LRIG1: variants seen among roughly 807,000 people sequenced by gnomAD.
LRIG1 encodes the protein leucine rich repeats and immunoglobulin like domains 1, also known as leucine-rich repeats and immunoglobulin-like domains protein 1.
LRIG1 carries 48 observed loss-of-function variants against 99.2 expected under a neutral mutation model. The observed-to-expected ratio is 0.48, with a 90% CI of 0.38 to 0.62. LRIG1 has a LOEUF of 0.62. LRIG1 is among the 20% of genes least tolerant of loss of function. The probability of loss-of-function intolerance (pLI) is 0.00; values close to 1 mark genes in which losing one functional copy is unlikely to be tolerated. For missense variants in LRIG1, 1,646 were observed against 1,434.4 expected (o/e 1.15, Z -2.38); for synonymous variants, 772 against 596.1 (o/e 1.29, Z -4.30).
chr3:66,454,551 T>C (rs1299954878), intron 2 of LRIG1, among the ~76,000 whole-genome samples: 1 of 152,198 alleles, frequency 6.6e-6, no homozygotes, highest in Non-Finnish European at 1.5e-5. Flanking sequence ...CACAATTTAC[T>C]TCCATCCAAG....
rs116809906 is a variant in LRIG1 at position 66,383,311 on chromosome 3, G to C, written c.2162C>G (p.Pro721Arg). 1.2e-6 allele frequency: 2 copies of C among 1,606,612 alleles called. No homozygotes were observed. The highest frequency in any genetic ancestry group is 1.3e-5 in the African/African-American group (1 of 74,808). The change falls in exon 15 of 19, where the codon CCG (proline) becomes CGG (arginine). Residue 721 changes from proline to arginine, a missense_variant. Physicochemically the swap from Pro to Arg is moderately radical, Grantham distance 103. Transcript: ENST00000273261. ...CCCCTTGAACCAGGTGATGCGGGGC[G>C]GAGGGTTCCCCGTGGCTTTGCATTG... Reference protein sequence around the residue: ...ALQCKATGNPPPRITWFKGDR... With the variant: ...ALQCKATGNPRPRITWFKGDR...
At chr3:66,451,884 C>T (rs984476833) in intron 2 of LRIG1, among the ~76,000 whole-genome samples, 13 of 152,212 alleles carry the variant, frequency 8.5e-5, no homozygotes, top group Admixed American at 3.3e-4. Flanking sequence ...TGTCTCCCAT[C>T]AGCTTCCCAT....
At chr3:66,433,246 G>C (rs1215363554) in intron 3 of LRIG1, among the ~76,000 whole-genome samples, 5 of 152,240 alleles carry the variant, frequency 3.3e-5, no homozygotes, top group Non-Finnish European at 7.3e-5. Context: ...AAGTCACCCA[G>C]CTAACCAAGA....
intron 1 of LRIG1, among the ~76,000 whole-genome samples, chr3:66,488,302 C>A (rs754768338): frequency 1.3e-5 from 2 of 151,776 alleles, no homozygotes; most frequent in African/African-American, 4.8e-5. Flanking sequence ...ATGAATTTGG[C>A]CAAAAACAGA....
At chr3:66,470,065 G>A (rs1338475856) in intron 1 of LRIG1, among the ~76,000 whole-genome samples, 3 of 152,188 alleles carry the variant, frequency 2.0e-5, no homozygotes, top group African/African-American at 7.2e-5. Flanking sequence ...ACTGAACAGT[G>A]TTGGTAGAAA....
intron 1 of LRIG1, among the ~76,000 whole-genome samples, chr3:66,482,766 G>A (rs1449731986): frequency 2.0e-5 from 3 of 152,164 alleles, no homozygotes; most frequent in Non-Finnish European, 2.9e-5. Flanking sequence ...TGTAAGTTGT[G>A]TAATAATTTA....
chr3:66,416,112 T>C (rs1190190273), intron 4 of LRIG1, among the ~76,000 whole-genome samples: 1 of 152,174 alleles, frequency 6.6e-6, no homozygotes, highest in Non-Finnish European at 1.5e-5. Flanking sequence ...AGAAAGTCCC[T>C]CCCACTTTTG....
chr3:66,446,578 G>A (rs1297586878), intron 3 of LRIG1, among the ~76,000 whole-genome samples: 1 of 151,730 alleles, frequency 6.6e-6, no homozygotes, highest in Admixed American at 6.6e-5. Flanking sequence ...GCTGATTTTT[G>A]TATTTTTAGT....
chr3:66,448,593 G>A lies in LRIG1; in HGVS notation c.365+2966C>T, dbSNP rs554406601. 3.3e-5 allele frequency among the ~76,000 whole-genome samples: 5 copies of A among 152,226 alleles called. No individual in the cohort carries two copies. The East Asian group carries it at 5.8e-4, about 18-fold the overall frequency. On this transcript the variant is annotated intron_variant, in intron 3 of 18. Transcript: ENST00000273261. Reference sequence around the variant, plus strand: ...TTCCTCATCTGAGAAAAAAAGTAACGTATGTATCCCAGGTCACAACTACAT... The same window carrying A: ...TTCCTCATCTGAGAAAAAAAGTAACATATGTATCCCAGGTCACAACTACAT...
At chr3:66,407,594 G>C in intron 7 of LRIG1, 103 bp from the exon 8 acceptor site, 1 of 1,350,426 alleles carries the variant, frequency 7.4e-7, no homozygotes, top group Non-Finnish European at 1.0e-6. Context: ...AGTGGGAAAT[G>C]ACACAGATGC....
At chr3:66,427,207 A>G (rs1423052876) in intron 3 of LRIG1, among the ~76,000 whole-genome samples, 1 of 152,240 alleles carries the variant, frequency 6.6e-6, no homozygotes, top group African/African-American at 2.4e-5. Context: ...AAGGCTCTGC[A>G]TCACACACTC....
chr3:66,417,345 C>A (rs966335535), intron 3 of LRIG1, 79 bp from the exon 4 acceptor site: 69 of 1,404,978 alleles, frequency 4.9e-5, no homozygotes, highest in Non-Finnish European at 6.6e-5. Context: ...CTGCACCCCA[C>A]CCCCCACCAA....
chr3:66,421,253 C>A (rs934662824), intron 3 of LRIG1, among the ~76,000 whole-genome samples: 1 of 152,192 alleles, frequency 6.6e-6, no homozygotes, highest in African/African-American at 2.4e-5. Flanking sequence ...TCCCAACAGT[C>A]CCCCAAAGTC....
In LRIG1 at chr3:66,380,047, T is replaced by C. The variant is rs531392346; in HGVS notation, c.*216A>G. Reference sequence around the variant, plus strand: ...TATATGAAATCTCTGAAAACTCTTATGTACAATGATATCAAATACTTTTTT... The same window carrying C: ...TATATGAAATCTCTGAAAACTCTTACGTACAATGATATCAAATACTTTTTT... On this transcript the variant is annotated 3_prime_UTR_variant, in exon 19 of 19. Transcript: ENST00000273261. The C allele has an allele frequency of 2.8e-4, 130 of 458,552 alleles. No homozygotes were observed. The highest frequency in any genetic ancestry group is 1.8e-3 in the African/African-American group (95 of 51,940). 28.4% of individuals were successfully genotyped at this position (458,552 alleles called of 1,614,324 possible). A position where few individuals can be genotyped will look rare whatever the true frequency, so the allele number is the denominator to read the frequency against.
At position 66,394,031 on chromosome 3, in the gene LRIG1, C is replaced by T. The variant is rs1701731105; in HGVS notation, c.1468+9G>A. ...TGAAGGAGAGAAAAAGTTACAAAGA[C>T]AGTCTTACCGCACACGAAACTCTCT... On this transcript the variant is annotated intron_variant, in intron 12 of 18. Transcript: ENST00000273261. The T allele has an allele frequency of 1.2e-6, 2 of 1,613,726 alleles. No homozygotes were observed. The highest frequency in any genetic ancestry group is 8.5e-7 in the Non-Finnish European group (1 of 1,179,866).
chr3:66,380,386 C>A lies in LRIG1; in HGVS notation c.3159G>T (p.Gln1053His). The A allele has an allele frequency of 6.2e-7, 1 of 1,614,172 alleles. No individual in the cohort carries two copies. Among genetic ancestry groups the A allele is most frequent in the Non-Finnish European group, 8.5e-7 (1 of 1,180,028 alleles). ...TSGSPERAEA[Q>H]YLLVSNGHLP... ...GGTGGCCATTGGAAACAAGCAAGTACTGGGCTTCCGCGCGCTCTGGACTGC... is the reference window on the plus strand; with the variant it reads ...GGTGGCCATTGGAAACAAGCAAGTAATGGGCTTCCGCGCGCTCTGGACTGC... Residue 1053 changes from glutamine to histidine, a missense_variant, in exon 19 of 19, where the codon CAG (glutamine) becomes CAT (histidine). Coordinates refer to ENST00000273261, the MANE Select transcript of LRIG1 (RefSeq NM_015541.3).
At chr3:66,495,157 TA>T (rs1701198272) in intron 1 of LRIG1, among the ~76,000 whole-genome samples, 1 of 152,184 alleles carries the variant, frequency 6.6e-6, no homozygotes, top group Non-Finnish European at 1.5e-5. Flanking sequence ...GAATGAACCC[TA>T]GTGGCTCAGT....
intron 1 of LRIG1, among the ~76,000 whole-genome samples, chr3:66,471,277 CTACTTTA>C: frequency 6.6e-6 from 1 of 152,338 alleles, no homozygotes. Flanking sequence ...CGCCTATTCT[CTACTTTA>C]TCATCTCCAA....
chr3:66,392,146 T>A (rs1457076628), intron 12 of LRIG1, among the ~76,000 whole-genome samples: 1 of 152,252 alleles, frequency 6.6e-6, no homozygotes, highest in Non-Finnish European at 1.5e-5. Context: ...TTTCACAGCC[T>A]AATGAATATT....
Sources: allele counts gnomAD v4.1 joint callset (sites outside exome capture counted in the v4.1 genomes callset), GRCh38; gene constraint gnomAD v4.1.1; transcripts MANE v1.5; gene names NCBI Gene and HGNC (gene_info 2026-07-23, HGNC 2026-07-21).